The following LRMDA variants were observed in gnomAD, a reference collection of about 807,000 sequenced individuals.
The protein encoded by LRMDA is leucine-rich melanocyte differentiation-associated protein.
In LRMDA, 18 loss-of-function variants were observed where a neutral mutation model predicts 29.8. The observed-to-expected ratio is 0.60, with a 90% CI of 0.42 to 0.90. The LOEUF (loss-of-function observed/expected upper bound fraction) is 0.90, where lower values mean the gene tolerates loss of function less well. LRMDA is among the 40% of genes least tolerant of loss of function. The pLI is 0.00. For synonymous variants in LRMDA, 125 were observed against 109.4 expected (o/e 1.14, Z -0.89); for missense variants, 273 against 273.9 (o/e 1.00, Z 0.02).
intron 5 of LRMDA, among the ~76,000 whole-genome samples, chr10:76,243,357 A>G (rs1247491): frequency 0.5 from 76,275 of 151,902 alleles, 19,852 homozygotes; most frequent in South Asian, 0.64. Context: ...TTGGTAACAA[A>G]TACTATTACA....
At chr10:76,476,003 A>C (rs1485214001) in intron 6 of LRMDA, among the ~76,000 whole-genome samples, 1 of 152,162 alleles carries the variant, frequency 6.6e-6, no homozygotes, top group Admixed American at 6.6e-5. Context: ...GAGAAGCAAG[A>C]GGAAACACAT....
intron 2 of LRMDA, among the ~76,000 whole-genome samples, chr10:75,705,434 C>T (rs1260906476): frequency 1.3e-5 from 2 of 152,158 alleles, no homozygotes; most frequent in East Asian, 1.9e-4. Context: ...CAGCTGTCCT[C>T]AATGGCTCAC....
At chr10:76,174,269 C>A (rs560020698) in intron 5 of LRMDA, among the ~76,000 whole-genome samples, 2 of 152,122 alleles carry the variant, frequency 1.3e-5, no homozygotes, top group South Asian at 4.2e-4. Flanking sequence ...ATATATACAC[C>A]TACCATTACC....
chr10:75,922,316 TTTTGG>T (rs1381671637), intron 2 of LRMDA, among the ~76,000 whole-genome samples: 19 of 152,108 alleles, frequency 1.2e-4, no homozygotes, highest in Admixed American at 1.2e-3. Flanking sequence ...ACAGCATGAG[TTTTGG>T]TTTGGTTTGC....
At position 76,410,939 on chromosome 10, in the gene LRMDA, C is replaced by A. The variant is rs181098732; in HGVS notation, c.601+86454C>A. 5.7e-3 allele frequency among the ~76,000 whole-genome samples: 861 copies of A among 152,214 alleles called. 14 individuals carry two copies. Among genetic ancestry groups the A allele is most frequent in the African/African-American group, 0.02 (820 of 41,540 alleles). Reference sequence around the variant, plus strand: ...CCAGCCTGGGCAACAGAGCGAGACTCCATCTCCAAAACAAAACAAAACACC... The same window carrying A: ...CCAGCCTGGGCAACAGAGCGAGACTACATCTCCAAAACAAAACAAAACACC... On this transcript the variant is annotated intron_variant, in intron 6 of 6. Transcript: ENST00000611255.
intron 2 of LRMDA, among the ~76,000 whole-genome samples, chr10:75,893,191 T>C (rs1204581278): frequency 6.6e-6 from 1 of 152,178 alleles, no homozygotes; most frequent in Non-Finnish European, 1.5e-5. Context: ...CAGTAGCTAC[T>C]GGACACCTAC....
At chr10:75,853,855 A>G (rs1167785251) in intron 2 of LRMDA, among the ~76,000 whole-genome samples, 1 of 152,128 alleles carries the variant, frequency 6.6e-6, no homozygotes, top group Non-Finnish European at 1.5e-5. Context: ...CTCTTATTAG[A>G]TTCCTACCCA....
chr10:75,645,707 G>A (rs570787729), intron 2 of LRMDA, among the ~76,000 whole-genome samples: 2 of 152,210 alleles, frequency 1.3e-5, no homozygotes, highest in East Asian at 3.9e-4. Flanking sequence ...CTGGCAGGAG[G>A]GTAAGAAAGG....
At chr10:75,484,666 G>T (rs1844891378) in intron 2 of LRMDA, among the ~76,000 whole-genome samples, 1 of 152,148 alleles carries the variant, frequency 6.6e-6, no homozygotes, top group Admixed American at 6.5e-5. Flanking sequence ...ACAAGGGTGG[G>T]GCCTTAATCC....
chr10:75,562,443 T>C (rs1168482927), intron 2 of LRMDA, among the ~76,000 whole-genome samples: 6 of 152,068 alleles, frequency 3.9e-5, no homozygotes, highest in African/African-American at 1.2e-4. Flanking sequence ...GTGAGATGGG[T>C]TTCCTGAATA....
chr10:75,916,164 ATGTG>A (rs34666507), intron 2 of LRMDA, among the ~76,000 whole-genome samples: 15 of 124,416 alleles, frequency 1.2e-4, no homozygotes, highest in Non-Finnish European at 1.7e-4. Context: ...TGCCAGGCCT[ATGTG>A]TGTGTGTGTG....
At chr10:76,354,876 A>G (rs1841220203) in intron 6 of LRMDA, among the ~76,000 whole-genome samples, 1 of 152,144 alleles carries the variant, frequency 6.6e-6, no homozygotes, top group South Asian at 2.1e-4. Flanking sequence ...TTTTAACTAT[A>G]GTCATAATTG....
At chr10:75,594,332 G>C (rs774072051) in intron 2 of LRMDA, among the ~76,000 whole-genome samples, 11 of 152,200 alleles carry the variant, frequency 7.2e-5, no homozygotes, top group Middle Eastern at 3.2e-3. Context: ...TCTGAAGCCT[G>C]TCAGCCTCTG....
intron 5 of LRMDA, among the ~76,000 whole-genome samples, chr10:76,077,214 G>A (rs1425033509): frequency 2.6e-5 from 4 of 152,208 alleles, no homozygotes; most frequent in Admixed American, 2.6e-4. Context: ...TGTTGACCAT[G>A]CTTGAGCTTC....
intron 2 of LRMDA, among the ~76,000 whole-genome samples, chr10:75,925,689 C>G (rs1455992886): frequency 1.4e-5 from 2 of 140,456 alleles, no homozygotes; most frequent in Admixed American, 1.4e-4. Context: ...TTTTTGGAGA[C>G]AGAGTCTCGC....
intron 6 of LRMDA, among the ~76,000 whole-genome samples, chr10:76,349,454 T>C (rs1230676218): frequency 6.6e-6 from 1 of 152,058 alleles, no homozygotes; most frequent in African/African-American, 2.4e-5. Context: ...CTATGTTGAC[T>C]CACATACATA....
intron 2 of LRMDA, among the ~76,000 whole-genome samples, chr10:75,636,770 G>T (rs1358287923): frequency 6.6e-6 from 1 of 151,988 alleles, no homozygotes; most frequent in African/African-American, 2.4e-5. Context: ...CTACTCTTAA[G>T]AATTCACCCT....
chr10:76,428,589 T>A (rs1842155276), intron 6 of LRMDA, among the ~76,000 whole-genome samples: 1 of 152,148 alleles, frequency 6.6e-6, no homozygotes, highest in Non-Finnish European at 1.5e-5. Flanking sequence ...TGGATACTCC[T>A]TTCTTGTGAG....
At chr10:76,379,603 CT>C (rs1490261488) in intron 6 of LRMDA, among the ~76,000 whole-genome samples, 3 of 151,988 alleles carry the variant, frequency 2.0e-5, no homozygotes, top group Non-Finnish European at 4.4e-5. Context: ...TTTGACTTTT[CT>C]CTCTTTTTTC....
Sources: gnomAD v4.1 joint callset for allele counts (sites outside exome capture counted in the v4.1 genomes callset) on GRCh38, gnomAD v4.1.1 for gene constraint, MANE v1.5 for transcripts, NCBI Gene and HGNC (gene_info 2026-07-23, HGNC 2026-07-21) for gene names.